CDH3: variants seen among roughly 807,000 people sequenced by gnomAD.
CDH3 encodes the protein cadherin-3.
Under a neutral mutation model 82.0 loss-of-function variants are expected in CDH3, and 54 were observed. That is an observed-to-expected ratio of 0.66 (90% CI 0.53 to 0.83). CDH3 has a LOEUF of 0.83. Ranked by LOEUF, CDH3 falls within the 40% of genes least tolerant of loss-of-function variation. The pLI, the probability that CDH3 is intolerant of heterozygous loss-of-function variation, is 0.00. For missense variants in CDH3, 1,054 were observed against 1,084.6 expected, an observed-to-expected ratio of 0.97 and a Z score of 0.40; for synonymous variants, 446 against 437.9, an observed-to-expected ratio of 1.02 and a Z score of -0.23.
At chr16:68,697,721 G>T (rs962041264) in intron 15 of CDH3, among the ~76,000 whole-genome samples, 2 of 152,136 alleles carry the variant, frequency 1.3e-5, no homozygotes, top group South Asian at 2.1e-4. Context: ...CTATTGTTGC[G>T]AGGTGCTATT....
chr16:68,670,202 C>G (rs923016491), intron 2 of CDH3, among the ~76,000 whole-genome samples: 1 of 116,534 alleles, frequency 8.6e-6, no homozygotes, highest in Non-Finnish European at 1.7e-5. Flanking sequence ...CCAGCCTGGG[C>G]AACAGAGCAA....
chr16:68,726,094 C>T (rs1962216322), intron 2 of CDH3, among the ~76,000 whole-genome samples: 1 of 152,104 alleles, frequency 6.6e-6, no homozygotes, highest in African/African-American at 2.4e-5. Context: ...CAGAAGCAGG[C>T]AGTCAGGAAC....
rs1470448788 is a variant in CDH3, at chr16:68,699,021, TAAAG to T, written c.*625_*628del. On this transcript the variant is annotated 3_prime_UTR_variant, in exon 16 of 16. Coordinates refer to ENST00000264012, the MANE Select transcript of CDH3 (RefSeq NM_001793.6). ...TGTATATGTACTAGAACTTTTTTAT[TAAAG>T]AAACTTTTCCCAGAGGTGCCTGGGG... is the stretch of plus-strand genomic sequence containing the variant. 6.6e-6 allele frequency: 1 copy of T among 152,456 alleles called. No individual in the cohort carries two copies. The highest frequency in any genetic ancestry group is 1.5e-5 in the Non-Finnish European group (1 of 68,124). 9.4% of individuals were successfully genotyped at this position (152,456 alleles called of 1,614,324 possible). A position where few individuals can be genotyped will look rare whatever the true frequency, so the allele number is the denominator to read the frequency against.
chr16:68,699,937 T>C lies in CDH3; in HGVS notation c.*1537T>C, dbSNP rs1387639923. 6.6e-6 allele frequency: 1 copy of C among 152,244 alleles called. No homozygotes were observed. The highest frequency in any genetic ancestry group is 2.4e-5 in the African/African-American group (1 of 41,462). The allele number at this position is 152,244 out of a possible 1,614,324, so 9.4% of individuals were successfully genotyped here. A position where few individuals can be genotyped will look rare whatever the true frequency, so the allele number is the denominator to read the frequency against. On this transcript the variant is annotated 3_prime_UTR_variant, in exon 16 of 16. Coordinates refer to ENST00000264012, the MANE Select transcript of CDH3 (RefSeq NM_001793.6). ...ACAGCTACCATTTATTCAGTACTTT[T>C]AAAGGCCAGACAGGACTTCGATTAT...
At chr16:68,695,422 G>T in intron 14 of CDH3, 37 bp downstream of exon 14, 1 of 1,579,150 alleles carries the variant, frequency 6.3e-7, no homozygotes, top group Non-Finnish European at 8.6e-7. Context: ...GGAGGTGGAT[G>T]CCCCTAAGGC....
chr16:68,685,392 G>T (rs375364361), intron 11 of CDH3, 42 bp downstream of exon 11: 2 of 1,607,220 alleles, frequency 1.2e-6, no homozygotes, highest in South Asian at 2.2e-5. Context: ...GCCACTTTTG[G>T]TTCTCAGGTC....
intron 1 of CDH3, 41 bp downstream of exon 1, chr16:68,645,465 C>G (rs1219281501): frequency 6.2e-7 from 1 of 1,607,134 alleles, no homozygotes; most frequent in Non-Finnish European, 8.5e-7. Flanking sequence ...GGGACCGCTC[C>G]CTGGGGGGCG....
chr16:68,665,696 C>T (rs983920401), intron 2 of CDH3, among the ~76,000 whole-genome samples: 1 of 152,066 alleles, frequency 6.6e-6, no homozygotes, highest in Non-Finnish European at 1.5e-5. Flanking sequence ...GGATGGTAGC[C>T]AGTGAGCCAG....
At chr16:68,684,962 C>T in intron 10 of CDH3, 138 bp downstream of exon 10, 1 of 1,249,308 alleles carries the variant, frequency 8.0e-7, no homozygotes, top group East Asian at 2.3e-5. Flanking sequence ...CTTCTTCCTA[C>T]CCTCTTTGAG....
intron 1 of CDH3, among the ~76,000 whole-genome samples, chr16:68,710,735 T>G (rs1962016092): frequency 6.6e-6 from 1 of 150,922 alleles, no homozygotes; most frequent in African/African-American, 2.4e-5. Flanking sequence ...TTCCAGCTAC[T>G]CAGGAGGCCG....
downstream of CDH3, among the ~76,000 whole-genome samples, chr16:68,730,106 G>A (rs183773087): frequency 1.1e-3 from 168 of 152,036 alleles, 2 homozygotes; most frequent in East Asian, 1.4e-3. Context: ...GGTGGTATGC[G>A]CCTGTAATCC....
chr16:68,733,256 C>T, the CDH3 span, among the ~76,000 whole-genome samples: 5 of 152,142 alleles, frequency 3.3e-5, no homozygotes, highest in Non-Finnish European at 5.9e-5. Flanking sequence ...GTAGCTGGGA[C>T]TACAGGCATG....
intron 2 of CDH3, among the ~76,000 whole-genome samples, chr16:68,656,971 C>T (rs1249106234): frequency 6.6e-6 from 1 of 152,118 alleles, no homozygotes; most frequent in African/African-American, 2.4e-5. Context: ...CCACCTGCCT[C>T]CAGCAGCAAA....
At chr16:68,653,706 T>C (rs1291849359) in intron 2 of CDH3, among the ~76,000 whole-genome samples, 2 of 150,714 alleles carry the variant, frequency 1.3e-5, no homozygotes, top group Admixed American at 6.6e-5. Flanking sequence ...TTTTTTTTTT[T>C]TGAGACGGAG....
At chr16:68,669,959 A>G (rs1960840828) in intron 2 of CDH3, among the ~76,000 whole-genome samples, 1 of 152,058 alleles carries the variant, frequency 6.6e-6, no homozygotes, top group Non-Finnish European at 1.5e-5. Flanking sequence ...TCTACCAAAA[A>G]AATAAAAGTG....
At chr16:68,653,417 A>C (rs1169886684) in intron 2 of CDH3, among the ~76,000 whole-genome samples, 1 of 151,238 alleles carries the variant, frequency 6.6e-6, no homozygotes, top group Non-Finnish European at 1.5e-5. Context: ...TTATATTTTT[A>C]GTAGAGATGG....
At position 68,695,848 on chromosome 16, in the gene CDH3, A is replaced by G. The variant is rs1374017768; in HGVS notation, c.2205A>G (p.Ala735=). 6.2e-7 allele frequency: 1 copy of G among 1,614,080 alleles called. No individual in the cohort carries two copies. Among genetic ancestry groups the G allele is most frequent in the East Asian group, 2.2e-5 (1 of 44,878 alleles). The change falls in exon 15 of 16, where the codon GCA becomes GCG. Residue 735 remains alanine (A), a synonymous_variant. Transcript: ENST00000264012. ...AGGTGGTTCTCCGCAATGACGTGGC[A>G]CCAACCATCATCCCGACACCCATGT... The part of the protein sequence containing the change: ...RPEVVLRNDV[A]PTIIPTPMYR...
At chr16:68,658,037 C>G (rs1321929109) in intron 2 of CDH3, among the ~76,000 whole-genome samples, 2 of 151,620 alleles carry the variant, frequency 1.3e-5, no homozygotes, top group Non-Finnish European at 2.9e-5. Context: ...ACAGGTATTC[C>G]CCATATCTCC....
chr16:68,670,247 A>G (rs1209088831), intron 2 of CDH3, among the ~76,000 whole-genome samples: 1 of 145,666 alleles, frequency 6.9e-6, no homozygotes, highest in African/African-American at 2.5e-5. Context: ...AAAAAAAAGA[A>G]CATCATTAGT....
Sources: allele counts gnomAD v4.1 joint callset (sites outside exome capture counted in the v4.1 genomes callset), GRCh38; gene constraint gnomAD v4.1.1; transcripts MANE v1.5; gene names NCBI Gene and HGNC (gene_info 2026-07-23, HGNC 2026-07-21).